The following PHLDB2 variants were observed in gnomAD, a reference collection of about 807,000 sequenced individuals.
The protein encoded by PHLDB2 is pleckstrin homology like domain family B member 2, also known as pleckstrin homology-like domain family B member 2.
PHLDB2 carries 71 observed loss-of-function variants against 123.6 expected under a neutral mutation model. The ratio of observed to expected loss-of-function variants is 0.57; its 90% confidence interval spans 0.47 to 0.70. The LOEUF (loss-of-function observed/expected upper bound fraction) is 0.70. Among genes scored for constraint, PHLDB2 ranks in the 30% least tolerant of loss-of-function variants. The pLI, the probability that PHLDB2 is intolerant of heterozygous loss-of-function variation, is 0.00. For synonymous variants in PHLDB2, 547 were observed against 541.6 expected (o/e 1.01, Z -0.14); for missense variants, 1,446 against 1,519.5 (o/e 0.95, Z 0.80).
At chr3:111,914,099 T>C (rs2068033495) in intron 3 of PHLDB2, 2 of 168,154 alleles carry the variant, frequency 1.2e-5, no homozygotes, top group African/African-American at 4.8e-5. Context: ...GTACTTTTTT[T>C]CCCTCACTAA....
chr3:111,786,768 T>C (rs943970197), intron 1 of PHLDB2, among the ~76,000 whole-genome samples: 7 of 152,020 alleles, frequency 4.6e-5, no homozygotes, highest in Non-Finnish European at 1.0e-4. Context: ...TAAAATATCA[T>C]TACCAGATGA....
At chr3:111,841,503 A>G (rs2063692209) in intron 1 of PHLDB2, among the ~76,000 whole-genome samples, 1 of 152,196 alleles carries the variant, frequency 6.6e-6, no homozygotes, top group Non-Finnish European at 1.5e-5. Context: ...TGACAGGTGA[A>G]TGAGTATGGG....
At chr3:111,856,489 G>C (rs543637235), upstream of PHLDB2, among the ~76,000 whole-genome samples, 1 of 152,322 alleles carries the variant, frequency 6.6e-6, no homozygotes, top group Non-Finnish European at 1.5e-5. Flanking sequence ...ATATTTGGAA[G>C]AATACCGGAT....
chr3:111,903,116 C>G (rs1158009294), intron 2 of PHLDB2, among the ~76,000 whole-genome samples: 1 of 152,070 alleles, frequency 6.6e-6, no homozygotes, highest in African/African-American at 2.4e-5. Context: ...TAAATTTCTT[C>G]TTCTAAGTAT....
At chr3:111,910,961 G>T (rs187467752) in intron 2 of PHLDB2, among the ~76,000 whole-genome samples, 186 of 152,328 alleles carry the variant, frequency 1.2e-3, no homozygotes, top group African/African-American at 4.4e-3. Flanking sequence ...TGTGAATGGG[G>T]TGATAAGAAT....
intron 13 of PHLDB2, 42 bp downstream of exon 13, chr3:111,962,354 G>A: frequency 6.4e-7 from 1 of 1,562,972 alleles, no homozygotes; most frequent in South Asian, 1.2e-5. Context: ...TTGGAAAAGA[G>A]CCTACTGCTC....
intron 1 of PHLDB2, among the ~76,000 whole-genome samples, chr3:111,873,707 C>T (rs2065457327): frequency 6.6e-6 from 1 of 152,172 alleles, no homozygotes; most frequent in South Asian, 2.1e-4. Context: ...GTTCTGTTTC[C>T]CATTTTGTAT....
intron 1 of PHLDB2, among the ~76,000 whole-genome samples, chr3:111,878,035 G>T (rs1576974296): frequency 2.0e-5 from 3 of 152,256 alleles, no homozygotes; most frequent in Admixed American, 2.0e-4. Flanking sequence ...GGCTATGCAG[G>T]CTCTTTTTTG....
chr3:111,930,408 G>GTGT (rs66498362), intron 5 of PHLDB2, among the ~76,000 whole-genome samples: 2 of 151,628 alleles, frequency 1.3e-5, no homozygotes, highest in African/African-American at 2.4e-5. Flanking sequence ...ATAATGAGTA[G>GTGT]TCTTCTTTTT....
intron 1 of PHLDB2, among the ~76,000 whole-genome samples, chr3:111,844,200 C>T (rs1019590480): frequency 6.6e-6 from 1 of 152,126 alleles, no homozygotes; most frequent in East Asian, 1.9e-4. Context: ...TCTCTCTCAG[C>T]CTATGAGACA....
Position 111,935,975 on chromosome 3 carries a change from T to G in PHLDB2, c.2131-3500T>G, listed in dbSNP as rs374760539. Among the ~76,000 whole-genome samples, 24 of 152,304 alleles carry G rather than the reference T, an allele frequency of 1.6e-4. No individual in the cohort carries two copies. In the East Asian group the frequency reaches 4.2e-3, roughly 27 times the overall value. ...GTTGGACTAGATTATTTCAACTGTC[T>G]TTTTCCATATTCCAAAAGTATGTAG... On this transcript the variant is annotated intron_variant, in intron 6 of 17. Coordinates refer to ENST00000431670, the MANE Select transcript of PHLDB2 (RefSeq NM_001134438.2).
chr3:111,794,867 C>T (rs2061087814), intron 1 of PHLDB2, among the ~76,000 whole-genome samples: 1 of 152,174 alleles, frequency 6.6e-6, no homozygotes, highest in African/African-American at 2.4e-5. Context: ...GCAGGGCCTA[C>T]AGCATGTAGC....
chr3:111,876,643 C>G (rs968047842), intron 1 of PHLDB2, among the ~76,000 whole-genome samples: 1 of 152,032 alleles, frequency 6.6e-6, no homozygotes, highest in African/African-American at 2.4e-5. Flanking sequence ...CATAGGTATA[C>G]ACGTGCCATG....
intron 2 of PHLDB2, among the ~76,000 whole-genome samples, chr3:111,906,501 T>C (rs959896978): frequency 6.6e-6 from 1 of 152,166 alleles, no homozygotes; most frequent in Non-Finnish European, 1.5e-5. Flanking sequence ...AAAGGAGGAC[T>C]AGATGGACAA....
At position 111,884,531 on chromosome 3, in the gene PHLDB2, A is replaced by T. The variant is rs532571508; in HGVS notation, c.454A>T (p.Ser152Cys). 1 of 1,614,214 alleles carries T rather than the reference A, an allele frequency of 6.2e-7. No homozygotes were observed. The highest frequency in any genetic ancestry group is 1.7e-5 in the Admixed American group (1 of 60,024). ...AGAGAAGCCTCCCTATTCCAAATATAGCTCAAGGCATAAATCGCATGACAA... is the reference window on the plus strand; with the variant it reads ...AGAGAAGCCTCCCTATTCCAAATATTGCTCAAGGCATAAATCGCATGACAA... The part of the protein sequence containing the change: ...LSEKPPYSKY[S>C]SRHKSHDNVY... Residue 152 changes from serine (S) to cysteine (C), a missense_variant, in exon 2 of 18, where the codon AGC becomes TGC. Coordinates refer to ENST00000431670, the MANE Select transcript of PHLDB2 (RefSeq NM_001134438.2).
intron 1 of PHLDB2, among the ~76,000 whole-genome samples, chr3:111,873,621 T>C (rs1456454196): frequency 6.6e-6 from 1 of 152,228 alleles, no homozygotes; most frequent in African/African-American, 2.4e-5. Context: ...TAGCTTTTTA[T>C]TCTGCTTAGT....
chr3:111,775,931 G>T (rs2060260481), intron 1 of PHLDB2, among the ~76,000 whole-genome samples: 1 of 152,084 alleles, frequency 6.6e-6, no homozygotes, highest in Non-Finnish European at 1.5e-5. Flanking sequence ...TATAAAACTG[G>T]CCCTGAAGTG....
chr3:111,907,749 T>C (rs909312288), intron 2 of PHLDB2, among the ~76,000 whole-genome samples: 6 of 152,064 alleles, frequency 3.9e-5, no homozygotes, highest in Admixed American at 3.3e-4. Flanking sequence ...GCCTCAACCT[T>C]CCAAAGTTTG....
In PHLDB2 at chr3:111,780,399, A is replaced by AGAAGAAGCAGAAGAAG. The variant is rs1553726801; in HGVS notation, c.-49+47703_-49+47704insCAGAAGAAGGAAGAAG. Among the ~76,000 whole-genome samples the AGAAGAAGCAGAAGAAG allele has an allele frequency of 4.0e-5, 3 of 74,450 alleles. No individual in the cohort carries two copies. The East Asian group carries it at 1.3e-3, about 32-fold the overall frequency. The allele number at this position is 74,450 out of a possible 152,430, so 48.8% of individuals were successfully genotyped here. A position where few individuals can be genotyped will look rare whatever the true frequency, so the allele number is the denominator to read the frequency against. ...AAGAAGAAGAAGAAGAAGAAGAAGA[A>AGAAGAAGCAGAAGAAG]GAAGAAGAAGAAAAAGATTAGTTCG... On this transcript the variant is annotated intron_variant, in intron 1 of 17. Coordinates refer to the PHLDB2 transcript ENST00000393923.
Sources: gnomAD v4.1 joint callset for allele counts (sites outside exome capture counted in the v4.1 genomes callset) on GRCh38, gnomAD v4.1.1 for gene constraint, MANE v1.5 for transcripts, NCBI Gene and HGNC (gene_info 2026-07-23, HGNC 2026-07-21) for gene names.